The following SLFN5 variants were observed in gnomAD, a reference collection of about 807,000 sequenced individuals.
SLFN5 encodes the protein schlafen family member 5.
In SLFN5, 34 loss-of-function variants were observed where a neutral mutation model predicts 48.5. That is an observed-to-expected ratio of 0.70 (90% CI 0.53 to 0.93). SLFN5 has a LOEUF of 0.93. Ranked by LOEUF, SLFN5 falls within the 40% of genes least tolerant of loss-of-function variation. SLFN5 has a pLI of 0.00. For synonymous variants in SLFN5, 387 were observed against 396.2 expected (o/e 0.98, Z 0.28); for missense variants, 1,006 against 1,071.3 (o/e 0.94, Z 0.85).
intron 3 of SLFN5, among the ~76,000 whole-genome samples, chr17:35,261,832 C>A (rs886670582): frequency 6.6e-6 from 1 of 151,704 alleles, no homozygotes; most frequent in Non-Finnish European, 1.5e-5. Context: ...CATGCCACCA[C>A]ACCCAGCTAA....
In SLFN5 at chr17:35,267,063, C is replaced by T. The variant is rs1904717803; in HGVS notation, c.*1175C>T. ...AGAATTGGTTTATTTCTGGCAGCTA[C>T]TTACAATATTAAGAACTTTACTTTT... On this transcript the variant is annotated 3_prime_UTR_variant, in exon 5 of 5. Coordinates refer to ENST00000299977, the MANE Select transcript of SLFN5 (RefSeq NM_144975.4). The T allele has an allele frequency of 6.6e-6, 1 of 152,162 alleles. No homozygotes were observed. Among genetic ancestry groups the T allele is most frequent in the African/African-American group, 2.4e-5 (1 of 41,430 alleles). The allele number at this position is 152,162 out of a possible 1,614,324, so 9.4% of individuals were successfully genotyped here.
rs1425904001 is a variant in SLFN5 at position 35,273,474 on chromosome 17, T to A, written c.*7586T>A. The A allele has an allele frequency of 6.6e-6, 1 of 152,220 alleles. No homozygotes were observed. The highest frequency in any genetic ancestry group is 1.5e-5 in the Non-Finnish European group (1 of 68,020). The allele number at this position is 152,220 out of a possible 1,614,324, so 9.4% of individuals were successfully genotyped here. ...TCTTTTAATTTTCTATCAATGAATA[T>A]CCTGGGATAAACCCCTCATGATCAT... On this transcript the variant is annotated 3_prime_UTR_variant, in exon 5 of 5. Coordinates refer to ENST00000299977, the MANE Select transcript of SLFN5 (RefSeq NM_144975.4).
At chr17:35,261,185 A>C (rs191400331) in intron 3 of SLFN5, 89 bp downstream of exon 3, 596 of 1,452,782 alleles carry the variant, frequency 4.1e-4, no homozygotes, top group Non-Finnish European at 5.2e-4. Context: ...ATACAGAATC[A>C]ATTCCAGAGG....
At chr17:35,244,150 A>G (rs1439663994) in intron 1 of SLFN5, among the ~76,000 whole-genome samples, 3 of 152,170 alleles carry the variant, frequency 2.0e-5, no homozygotes, top group Non-Finnish European at 4.4e-5. Context: ...GAAACGGTGC[A>G]TCAGCAGTTT....
intron 1 of SLFN5, among the ~76,000 whole-genome samples, chr17:35,245,827 CT>C (rs35157082): frequency 0.55 from 79,673 of 145,934 alleles, 23,772 homozygotes; most frequent in Non-Finnish European, 0.67. Context: ...TGGACATATG[CT>C]TTTTTTTTTT....
intron 1 of SLFN5, 70 bp downstream of exon 1, chr17:35,243,213 T>C (rs1184174838): frequency 1.3e-5 from 2 of 152,370 alleles, no homozygotes; most frequent in Admixed American, 6.5e-5. Context: ...CGGGTTCTCC[T>C]ATTGGGCTGT....
chr17:35,249,821 C>T (rs2092438395), intron 1 of SLFN5, among the ~76,000 whole-genome samples: 1 of 152,220 alleles, frequency 6.6e-6, no homozygotes, highest in African/African-American at 2.4e-5. Flanking sequence ...ATATTTGATG[C>T]ATACTCCAAA....
At chr17:35,247,674 T>G (rs1335003661) in intron 1 of SLFN5, among the ~76,000 whole-genome samples, 1 of 150,934 alleles carries the variant, frequency 6.6e-6, no homozygotes, top group African/African-American at 2.5e-5. Context: ...CCATTCTCTT[T>G]CACCTCTTTT....
At chr17:35,260,087 C>T (rs1459130711) in intron 2 of SLFN5, among the ~76,000 whole-genome samples, 2 of 152,186 alleles carry the variant, frequency 1.3e-5, no homozygotes, top group Admixed American at 6.5e-5. Context: ...GATGTGTCCA[C>T]TTTAATTTAC....
intron 1 of SLFN5, among the ~76,000 whole-genome samples, chr17:35,253,378 T>TCTC (rs2142691773): frequency 8.8e-6 from 1 of 114,244 alleles, no homozygotes; most frequent in Admixed American, 9.3e-5. Flanking sequence ...CTCTCTCTCT[T>TCTC]TTAAATCTTT....
At chr17:35,256,110 G>C (rs1256103732) in intron 1 of SLFN5, among the ~76,000 whole-genome samples, 3 of 152,242 alleles carry the variant, frequency 2.0e-5, no homozygotes, top group Non-Finnish European at 4.4e-5. Context: ...TGTAATGCCA[G>C]TATATTGGGA....
rs1260769045 is a variant in SLFN5, at chr17:35,269,239, A to G, written c.*3351A>G. 2.0e-5 allele frequency: 3 copies of G among 152,214 alleles called. No homozygotes were observed. Among genetic ancestry groups the G allele is most frequent in the Non-Finnish European group, 4.4e-5 (3 of 68,030 alleles). 9.4% of individuals were successfully genotyped at this position (152,214 alleles called of 1,614,324 possible). On this transcript the variant is annotated 3_prime_UTR_variant, in exon 5 of 5. Transcript: ENST00000299977. ...CATAAAAGAGTTCTAGAAATACAGG[A>G]CCCATGAATCATTCTTGAAGAAAAG...
At position 35,266,955 on chromosome 17, in the gene SLFN5, C is replaced by A. The variant is rs1396960130; in HGVS notation, c.*1067C>A. 1 of 152,096 alleles carries A rather than the reference C, an allele frequency of 6.6e-6. No homozygotes were observed. The highest frequency in any genetic ancestry group is 1.5e-5 in the Non-Finnish European group (1 of 68,022). 9.4% of individuals were successfully genotyped at this position (152,096 alleles called of 1,614,324 possible). ...AACTAAAAAATTCAGAGTTAATTCA[C>A]TATTAAAAACAGCAAGGCCCTGCTA... On this transcript the variant is annotated 3_prime_UTR_variant, in exon 5 of 5. Transcript: ENST00000299977.
rs1904781354 is a variant in SLFN5 at position 35,269,494 on chromosome 17, C to T, written c.*3606C>T. On this transcript the variant is annotated 3_prime_UTR_variant, in exon 5 of 5. Transcript: ENST00000299977. The stretch of plus-strand genomic sequence containing the variant: ...CAGGGTTTGGATCATTTTAAAAAAA[C>T]AAACAAAAATAATTTATTGGAATCA... 6.6e-6 allele frequency: 1 copy of T among 151,914 alleles called. No homozygotes were observed. The highest frequency in any genetic ancestry group is 2.4e-5 in the African/African-American group (1 of 41,344). The allele number at this position is 151,914 out of a possible 1,614,324, so 9.4% of individuals were successfully genotyped here.
chr17:35,264,436 G>C lies in SLFN5; in HGVS notation c.1392G>C (p.Lys464Asn). The C allele has an allele frequency of 1.2e-6, 2 of 1,614,176 alleles. No homozygotes were observed. Among genetic ancestry groups the C allele is most frequent in the Admixed American group, 1.7e-5 (1 of 60,022 alleles). ...TIFSKWDAGC[K>N]GYSMIVAYSL... ...TCAGCAAGTGGGATGCGGGGTGCAA[G>C]GGCTATTCTATGATAGTTGCCTATT... The change falls in exon 4 of 5, where the codon AAG (lysine) becomes AAC (asparagine). Residue 464 changes from lysine (K) to asparagine (N), a missense_variant. Physicochemically the swap from Lys to Asn is moderately conservative, Grantham distance 94 (BLOSUM62 0). Transcript: ENST00000299977.
At chr17:35,252,298 G>T (rs12937698) in intron 1 of SLFN5, among the ~76,000 whole-genome samples, 11,236 of 152,088 alleles carry the variant, frequency 0.074, 1,007 homozygotes, top group African/African-American at 0.2. Context: ...GTGCATTGTG[G>T]CGCGTTCTTG....
chr17:35,259,824 G>C, intron 2 of SLFN5, 122 bp downstream of exon 2: 1 of 1,146,380 alleles, frequency 8.7e-7, no homozygotes, highest in Non-Finnish European at 1.2e-6. Context: ...TCTCTGATTT[G>C]CAATTGTCTG....
rs1272708831 is a variant in SLFN5 at position 35,264,500 on chromosome 17, G to A, written c.1456G>A (p.Gly486Arg). 1.9e-6 allele frequency: 3 copies of A among 1,613,956 alleles called. No individual in the cohort carries two copies. Among genetic ancestry groups the A allele is most frequent in the African/African-American group, 2.7e-5 (2 of 74,900 alleles). Reference sequence around the variant, plus strand: ...GCTGGTGAACAAAGGCGGCTACACTGGGAGGTTATGCATCACCCCCTTGGT... The same window carrying A: ...GCTGGTGAACAAAGGCGGCTACACTAGGAGGTTATGCATCACCCCCTTGGT... ...QKLVNKGGYT[G>R]RLCITPLVCV... is the part of the protein sequence containing the mutation. Residue 486 changes from glycine to arginine, a missense_variant, in exon 4 of 5, where the codon GGG (glycine) becomes AGG (arginine). Coordinates refer to ENST00000299977, the MANE Select transcript of SLFN5 (RefSeq NM_144975.4).
At position 35,255,237 on chromosome 17, in the gene SLFN5, A is replaced by G. The variant is rs768309974; in HGVS notation, c.-40-3414A>G. Among the ~76,000 whole-genome samples, 41 of 152,370 alleles carry G rather than the reference A, an allele frequency of 2.7e-4. No homozygotes were observed. The Middle Eastern group carries it at 0.014, about 51-fold the overall frequency. On this transcript the variant is annotated intron_variant, in intron 1 of 4. Transcript: ENST00000299977. ...GCAAACCAACAACACAAAAATATTT[A>G]GAGAAAAGTGCTGAAGGAAATGCAT...
Sources: allele counts gnomAD v4.1 joint callset (sites outside exome capture counted in the v4.1 genomes callset), GRCh38; gene constraint gnomAD v4.1.1; transcripts MANE v1.5; gene names NCBI Gene and HGNC (gene_info 2026-07-23, HGNC 2026-07-21).